RALYL: variants seen among roughly 807,000 people sequenced by gnomAD.
RALYL encodes RALY RNA binding protein like, also known as RNA-binding Raly-like protein.
RALYL carries 29 observed loss-of-function variants against 35.1 expected under a neutral mutation model. The observed-to-expected ratio is 0.83, with a 90% CI of 0.61 to 1.13. RALYL has a LOEUF of 1.13. Among genes scored for constraint, RALYL ranks in the 50% most tolerant of loss-of-function variants. The probability of loss-of-function intolerance (pLI) is 0.00; values close to 1 mark genes in which losing one functional copy is unlikely to be tolerated. For missense variants in RALYL, 359 were observed against 360.4 expected, an observed-to-expected ratio of 1.00 and a Z score of 0.03; for synonymous variants, 120 against 127.6, an observed-to-expected ratio of 0.94 and a Z score of 0.40.
rs183304464 is a variant in RALYL at position 84,267,083 on chromosome 8, C to G, written c.-24+82659C>G. Among the ~76,000 whole-genome samples the G allele has an allele frequency of 1.1e-4, 16 of 152,112 alleles. No individual in the cohort carries two copies. In the East Asian group the frequency reaches 2.9e-3, roughly 28 times the overall value. On this transcript the variant is annotated intron_variant, in intron 1 of 8. Coordinates refer to ENST00000521268, the MANE Select transcript of RALYL (RefSeq NM_173848.7). Reference sequence around the variant, plus strand: ...TGAGGACTTAAGCAGCGGATGTGCTCATTATTCACTCCCAGAGCAGATCTG... The same window carrying G: ...TGAGGACTTAAGCAGCGGATGTGCTGATTATTCACTCCCAGAGCAGATCTG...
At chr8:84,497,367 G>A (rs1260818085) in intron 1 of RALYL, among the ~76,000 whole-genome samples, 1 of 152,044 alleles carries the variant, frequency 6.6e-6, no homozygotes, top group Non-Finnish European at 1.5e-5. Flanking sequence ...TAGTAACTAT[G>A]AGTAACTATG....
intron 1 of RALYL, among the ~76,000 whole-genome samples, chr8:84,452,274 C>T (rs1209899670): frequency 6.7e-6 from 1 of 150,178 alleles, no homozygotes; most frequent in African/African-American, 2.5e-5. Flanking sequence ...AGAGCTCTCA[C>T]AAAGTTATGT....
At chr8:84,238,801 C>A (rs1239052420) in intron 1 of RALYL, among the ~76,000 whole-genome samples, 1 of 152,172 alleles carries the variant, frequency 6.6e-6, no homozygotes, top group East Asian at 1.9e-4. Context: ...GACAGCAATT[C>A]AGAAAACAGG....
intron 1 of RALYL, among the ~76,000 whole-genome samples, chr8:84,236,290 A>G (rs187346512): frequency 2.0e-5 from 3 of 152,326 alleles, no homozygotes; most frequent in Admixed American, 1.3e-4. Context: ...ACAAAGCAAC[A>G]ATATACATAA....
At chr8:84,733,976 T>C (rs1846732772) in intron 2 of RALYL, among the ~76,000 whole-genome samples, 1 of 152,190 alleles carries the variant, frequency 6.6e-6, no homozygotes, top group Non-Finnish European at 1.5e-5. Context: ...ACAAAAGGAA[T>C]GTTAGTTCTG....
chr8:84,527,537 A>G (rs1587997354), intron 1 of RALYL, among the ~76,000 whole-genome samples: 1 of 152,336 alleles, frequency 6.6e-6, no homozygotes, highest in African/African-American at 2.4e-5. Flanking sequence ...TGAGATCACA[A>G]ACAAAGTAGT....
chr8:84,805,866 A>T lies in RALYL; in HGVS notation c.365+1064A>T, dbSNP rs369375798. On this transcript the variant is annotated intron_variant, in intron 4 of 8. Transcript: ENST00000521268. ...GACTTTTGCACTTTCAATATTATAG[A>T]TGATATTGTATGAAAAAGTTGTGAA... Among the ~76,000 whole-genome samples, 137 of 152,318 alleles carry T rather than the reference A, an allele frequency of 9.0e-4. 2 individuals are homozygous for T. The highest frequency in any genetic ancestry group is 3.0e-3 in the African/African-American group (123 of 41,576).
intron 2 of RALYL, among the ~76,000 whole-genome samples, chr8:84,535,812 C>T (rs763692512): frequency 1.3e-5 from 2 of 151,806 alleles, no homozygotes; most frequent in Non-Finnish European, 1.5e-5. Context: ...TATAGTACCC[C>T]TTCCAAATAG....
chr8:84,641,102 T>C (rs1474038822), intron 2 of RALYL, among the ~76,000 whole-genome samples: 1 of 151,440 alleles, frequency 6.6e-6, no homozygotes, highest in African/African-American at 2.4e-5. Flanking sequence ...ATATAAACTC[T>C]TTTTTCATAT....
At chr8:84,604,714 A>T (rs371935586) in intron 2 of RALYL, among the ~76,000 whole-genome samples, 1 of 152,096 alleles carries the variant, frequency 6.6e-6, no homozygotes, top group African/African-American at 2.4e-5. Context: ...CCTTAACCTC[A>T]TATCAATTTG....
chr8:84,891,904 G>C (rs1038339815), intron 8 of RALYL, among the ~76,000 whole-genome samples: 2 of 152,172 alleles, frequency 1.3e-5, no homozygotes, highest in East Asian at 1.9e-4. Context: ...AATATAATTA[G>C]AGTTTTTCTC....
chr8:84,658,481 GC>G (rs988240664), intron 2 of RALYL, among the ~76,000 whole-genome samples: 25 of 152,154 alleles, frequency 1.6e-4, no homozygotes, highest in Admixed American at 1.5e-3. Flanking sequence ...AAAGGTGTAT[GC>G]ATAGGAAATT....
chr8:84,725,975 C>T (rs1190331894), intron 2 of RALYL, among the ~76,000 whole-genome samples: 1 of 151,338 alleles, frequency 6.6e-6, no homozygotes, highest in Admixed American at 6.6e-5. Context: ...TTATAAGCAA[C>T]TGTTTATATT....
At chr8:84,888,516 A>G (rs375618742) in intron 8 of RALYL, among the ~76,000 whole-genome samples, 50 of 152,274 alleles carry the variant, frequency 3.3e-4, no homozygotes, top group African/African-American at 1.2e-3. Flanking sequence ...AAATGTGGGT[A>G]TATATGTCGC....
intron 2 of RALYL, among the ~76,000 whole-genome samples, chr8:84,544,900 T>A (rs773343250): frequency 3.9e-5 from 6 of 152,086 alleles, no homozygotes; most frequent in Admixed American, 6.5e-5. Flanking sequence ...TCTCATATAG[T>A]TTTAATTTGT....
intron 2 of RALYL, among the ~76,000 whole-genome samples, chr8:84,768,660 A>G (rs1245921384): frequency 6.6e-6 from 1 of 152,226 alleles, no homozygotes; most frequent in African/African-American, 2.4e-5. Context: ...GCAAAGCGAG[A>G]GAAGTATAGT....
intron 1 of RALYL, among the ~76,000 whole-genome samples, chr8:84,207,316 A>T (rs1490113601): frequency 6.6e-6 from 1 of 151,920 alleles, no homozygotes. Context: ...CATTATATAT[A>T]TGAAGTATGT....
chr8:84,615,570 C>CTTTTTTTTTTT (rs60428128), intron 2 of RALYL, among the ~76,000 whole-genome samples: 96 of 67,364 alleles, frequency 1.4e-3, no homozygotes, highest in African/African-American at 1.9e-3. Context: ...GAACTTTCGT[C>CTTTTTTTTTTT]TTTTTTTTTT....
chr8:84,525,953 C>CTTTTTTTTTTTTTTTTTTTTTTTT (rs35794329), intron 1 of RALYL, among the ~76,000 whole-genome samples: 12 of 104,846 alleles, frequency 1.1e-4, no homozygotes, highest in Middle Eastern at 7.7e-3. Context: ...TTTCTTTTTT[C>CTTTTTTTTTTTTTTTTTTTTTTTT]TTTTTTTTTT....
Sources: gnomAD v4.1 joint callset for allele counts (sites outside exome capture counted in the v4.1 genomes callset) on GRCh38, gnomAD v4.1.1 for gene constraint, MANE v1.5 for transcripts, NCBI Gene and HGNC (gene_info 2026-07-23, HGNC 2026-07-21) for gene names.